The following TXNRD3 variants were observed in gnomAD, a reference collection of about 807,000 sequenced individuals.
TXNRD3 encodes TXNRD3 neighbor gene protein.
In TXNRD3, 68 loss-of-function variants were observed where a neutral mutation model predicts 78.2. The observed-to-expected ratio is 0.87, with a 90% CI of 0.72 to 1.06. The LOEUF (loss-of-function observed/expected upper bound fraction) is 1.06. Among genes scored for constraint, TXNRD3 ranks in the 50% least tolerant of loss-of-function variants. The pLI is 0.00. For synonymous variants in TXNRD3, 296 were observed against 300.1 expected (o/e 0.99, Z 0.14); for missense variants, 751 against 809.5 (o/e 0.93, Z 0.88).
chr3:126,614,431 A>G (rs1224118302), intron 13 of TXNRD3, among the ~76,000 whole-genome samples: 2 of 152,224 alleles, frequency 1.3e-5, no homozygotes, highest in Non-Finnish European at 1.5e-5. Flanking sequence ...TTAATTTCAG[A>G]AAGTTTTAAA....
At chr3:126,648,615 A>G (rs1036233996) in intron 1 of TXNRD3, among the ~76,000 whole-genome samples, 1 of 152,218 alleles carries the variant, frequency 6.6e-6, no homozygotes. Flanking sequence ...TTTTCAACAA[A>G]TGATGCTGAG....
At chr3:126,642,380 C>G (rs1026859993) in intron 5 of TXNRD3, among the ~76,000 whole-genome samples, 2 of 152,180 alleles carry the variant, frequency 1.3e-5, no homozygotes, top group Non-Finnish European at 2.9e-5. Flanking sequence ...TTTCTGGGCA[C>G]AGCATCCAAA....
At chr3:126,629,092 T>C (rs1211069773) in intron 10 of TXNRD3, among the ~76,000 whole-genome samples, 1 of 152,036 alleles carries the variant, frequency 6.6e-6, no homozygotes. Context: ...AATATTCAAA[T>C]TAAGAAATGT....
rs371525023 is a variant in TXNRD3 at position 126,640,265 on chromosome 3, C to T, written c.712+1767G>A. On this transcript the variant is annotated intron_variant, in intron 6 of 15. Transcript: ENST00000524230. The stretch of plus-strand genomic sequence containing the variant: ...GACTACAGGCGCCCGCCACTACGCC[C>T]GGCTAATTTTTTGTATTTTTTTTAG... Among the ~76,000 whole-genome samples the T allele has an allele frequency of 5.4e-3, 247 of 45,900 alleles. 89 individuals carry two copies. In the East Asian group the frequency reaches 0.077, roughly 14 times the overall value. The allele number at this position is 45,900 out of a possible 152,430, so 30.1% of individuals were successfully genotyped here. A position where few individuals can be genotyped will look rare whatever the true frequency, so the allele number is the denominator to read the frequency against.
intron 14 of TXNRD3, among the ~76,000 whole-genome samples, chr3:126,609,666 G>T (rs2107607859): frequency 6.6e-6 from 1 of 152,318 alleles, no homozygotes; most frequent in South Asian, 2.1e-4. Context: ...TAGTTAAAGA[G>T]CAAGGACAAG....
At chr3:126,610,638 T>A (rs894199606) in intron 14 of TXNRD3, among the ~76,000 whole-genome samples, 14 of 152,208 alleles carry the variant, frequency 9.2e-5, no homozygotes, top group African/African-American at 3.4e-4. Flanking sequence ...ACCAAAATTT[T>A]CACAGATCTT....
At chr3:126,611,693 A>C (rs567904265) in intron 13 of TXNRD3, among the ~76,000 whole-genome samples, 1 of 152,294 alleles carries the variant, frequency 6.6e-6, no homozygotes, top group South Asian at 2.1e-4. Flanking sequence ...GAACCAGAAT[A>C]AAATGCCATG....
chr3:126,627,055 T>C (rs1018976689), intron 10 of TXNRD3, among the ~76,000 whole-genome samples: 1 of 152,146 alleles, frequency 6.6e-6, no homozygotes, highest in African/African-American at 2.4e-5. Context: ...ACCACTGCAC[T>C]CCAGCCTGGG....
At position 126,655,058 on chromosome 3, in the gene TXNRD3, G is replaced by A. The variant is rs1381310502; in HGVS notation, c.-68C>T. 3 of 1,289,700 alleles carry A rather than the reference G, an allele frequency of 2.3e-6. No individual in the cohort carries two copies. The highest frequency in any genetic ancestry group is 4.5e-5 in the South Asian group (2 of 44,084). The allele number at this position is 1,289,700 out of a possible 1,614,324, so 79.9% of individuals were successfully genotyped here. A position where few individuals can be genotyped will look rare whatever the true frequency, so the allele number is the denominator to read the frequency against. On this transcript the variant is annotated 5_prime_UTR_variant, in exon 1 of 16. Transcript: ENST00000524230. ...CCGAAACGCAGGCGGCTGCGGCGCC[G>A]GGACGGGGCCTGAGGGGCGGCGAAC...
chr3:126,640,357 TCGG>T (rs1366287963), intron 6 of TXNRD3, among the ~76,000 whole-genome samples: 2 of 8,486 alleles, frequency 2.4e-4, no homozygotes, highest in Admixed American at 2.6e-3. Context: ...TCCGCCCGCC[TCGG>T]CCTCCCAAAG....
chr3:126,622,424 G>A (rs1238836519), intron 11 of TXNRD3, 40 bp downstream of exon 11: 1 of 1,406,410 alleles, frequency 7.1e-7, no homozygotes, highest in Admixed American at 2.4e-5. Flanking sequence ...GAAACCTGTT[G>A]CTTTGTGCAG....
In TXNRD3 at chr3:126,609,919, C is replaced by T. The variant is rs144939070; in HGVS notation, c.1728+1118G>A. ...CTCTCCCTACTCCCTTTGGAAAGGCCGCCCACAACTGCCAAAAATTGACCT... is the reference window on the plus strand; with the variant it reads ...CTCTCCCTACTCCCTTTGGAAAGGCTGCCCACAACTGCCAAAAATTGACCT... On this transcript the variant is annotated intron_variant, in intron 14 of 15. Transcript: ENST00000524230. 1.4e-3 allele frequency among the ~76,000 whole-genome samples: 206 copies of T among 152,250 alleles called. 2 individuals carry two copies. Among genetic ancestry groups the T allele is most frequent in the Admixed American group, 2.6e-4 (4 of 15,300 alleles).
At chr3:126,641,617 G>A (rs1933090878) in intron 6 of TXNRD3, among the ~76,000 whole-genome samples, 1 of 152,142 alleles carries the variant, frequency 6.6e-6, no homozygotes, top group Non-Finnish European at 1.5e-5. Flanking sequence ...TATCCCCAGA[G>A]CTTAGCCAAT....
At chr3:126,632,295 C>T (rs540178491) in intron 7 of TXNRD3, among the ~76,000 whole-genome samples, 19 of 152,184 alleles carry the variant, frequency 1.2e-4, no homozygotes, top group South Asian at 1.0e-3. Flanking sequence ...GAGCCAAGTG[C>T]GAAGGCCCTT....
chr3:126,644,146 G>T, intron 4 of TXNRD3, 93 bp from the exon 5 acceptor site: 2 of 1,403,766 alleles, frequency 1.4e-6, no homozygotes, highest in Non-Finnish European at 1.9e-6. Flanking sequence ...GACTGTTTTT[G>T]TGTGACACAC....
intron 7 of TXNRD3, among the ~76,000 whole-genome samples, chr3:126,632,104 T>C (rs1576289809): frequency 6.6e-6 from 1 of 152,170 alleles, no homozygotes; most frequent in East Asian, 1.9e-4. Flanking sequence ...AGAAAGCCAA[T>C]CAAGGATGTA....
intron 13 of TXNRD3, among the ~76,000 whole-genome samples, chr3:126,614,838 T>C (rs893913318): frequency 1.3e-5 from 2 of 152,158 alleles, no homozygotes; most frequent in African/African-American, 4.8e-5. Context: ...CCCTCCTAGT[T>C]GGGAGAGTAG....
At position 126,630,796 on chromosome 3, in the gene TXNRD3, G is replaced by A; in HGVS notation, c.1113C>T (p.Gly371=). The A allele has an allele frequency of 6.5e-7, 1 of 1,535,152 alleles. No homozygotes were observed. Among genetic ancestry groups the A allele is most frequent in the Middle Eastern group, 1.9e-4 (1 of 5,250 alleles). ...CTTTTTCTGCCATTTCTTGGTCGAA[G>A]CCACGGAGAAGGATTGAGCGTACCA... Residue 371 remains glycine (G), a synonymous_variant, in exon 9 of 16, where the codon GGC becomes GGT. Transcript: ENST00000524230.
In TXNRD3 at chr3:126,615,023, A is replaced by G. The variant is rs1317243953; in HGVS notation, c.1632+332T>C. 2.0e-5 allele frequency among the ~76,000 whole-genome samples: 3 copies of G among 152,154 alleles called. No individual in the cohort carries two copies. In the East Asian group the frequency reaches 5.8e-4, roughly 29 times the overall value. The stretch of plus-strand genomic sequence containing the variant: ...AGACAACCCTGGAACTTCCCACCTT[A>G]CCACCCGTAGCCATTCCTACCCCTG... On this transcript the variant is annotated intron_variant, in intron 13 of 15. Coordinates refer to ENST00000524230, the MANE Select transcript of TXNRD3 (RefSeq NM_052883.3).
Sources: allele counts gnomAD v4.1 joint callset (sites outside exome capture counted in the v4.1 genomes callset), GRCh38; gene constraint gnomAD v4.1.1; transcripts MANE v1.5; gene names NCBI Gene and HGNC (gene_info 2026-07-23, HGNC 2026-07-21).